Variants in FBLN2 observed in about 807,000 individuals in gnomAD.
FBLN2 encodes the protein fibulin 2.
FBLN2 carries 81 observed loss-of-function variants against 123.7 expected under a neutral mutation model. That is an observed-to-expected ratio of 0.65 (90% CI 0.55 to 0.79). The LOEUF is 0.79. FBLN2 is among the 30% of genes least tolerant of loss of function. The probability of loss-of-function intolerance (pLI) is 0.00; values close to 1 mark genes in which losing one functional copy is unlikely to be tolerated. For synonymous variants in FBLN2, 699 were observed against 701.4 expected, an observed-to-expected ratio of 1.00 and a Z score of 0.05; for missense variants, 1,603 against 1,681.3, an observed-to-expected ratio of 0.95 and a Z score of 0.81.
chr3:13,598,947 G>A (rs1019762820), intron 2 of FBLN2, among the ~76,000 whole-genome samples: 1 of 152,190 alleles, frequency 6.6e-6, no homozygotes, highest in Non-Finnish European at 1.5e-5. Flanking sequence ...TTGGATACTC[G>A]CCAGTTGGCC....
intron 16 of FBLN2, among the ~76,000 whole-genome samples, chr3:13,632,038 G>C (rs568890916): frequency 5.3e-5 from 8 of 152,356 alleles, no homozygotes; most frequent in Non-Finnish European, 8.8e-5. Flanking sequence ...GCAGTCACCT[G>C]TGGAATTTGC....
chr3:13,561,913 T>A (rs939512402), intron 1 of FBLN2, among the ~76,000 whole-genome samples: 3 of 152,256 alleles, frequency 2.0e-5, no homozygotes, highest in Admixed American at 2.0e-4. Context: ...ACAGATCATT[T>A]ACTCTGTCTG....
At chr3:13,611,894 A>G (rs976939699) in intron 4 of FBLN2, among the ~76,000 whole-genome samples, 1 of 152,186 alleles carries the variant, frequency 6.6e-6, no homozygotes, top group African/African-American at 2.4e-5. Flanking sequence ...CCCAGTGAAC[A>G]TGAGAAAAAA....
chr3:13,613,844 C>A, intron 4 of FBLN2, 140 bp from the exon 5 acceptor site: 1 of 843,178 alleles, frequency 1.2e-6, no homozygotes, highest in Non-Finnish European at 1.7e-6. Flanking sequence ...GGCAGAGGAC[C>A]CCTCTGCCCT....
At chr3:13,591,851 T>C (rs1704685469) in intron 2 of FBLN2, among the ~76,000 whole-genome samples, 1 of 152,144 alleles carries the variant, frequency 6.6e-6, no homozygotes, top group African/African-American at 2.4e-5. Flanking sequence ...AACTTGTTTC[T>C]GTGTATGGTG....
intron 1 of FBLN2, among the ~76,000 whole-genome samples, chr3:13,564,852 G>T (rs1350575958): frequency 6.6e-6 from 1 of 152,246 alleles, no homozygotes; most frequent in African/African-American, 2.4e-5. Context: ...AGGAGGCAGT[G>T]TTGCTTTACT....
chr3:13,602,346 A>G (rs1705059924), intron 2 of FBLN2, among the ~76,000 whole-genome samples: 1 of 152,134 alleles, frequency 6.6e-6, no homozygotes, highest in African/African-American at 2.4e-5. Flanking sequence ...GTGTATTCTG[A>G]TACCGTTAGA....
At chr3:13,577,837 C>T (rs1704199515) in intron 2 of FBLN2, among the ~76,000 whole-genome samples, 1 of 152,240 alleles carries the variant, frequency 6.6e-6, no homozygotes, top group African/African-American at 2.4e-5. Flanking sequence ...GGTTCAGGCC[C>T]TCTGCTCAGG....
At chr3:13,605,649 C>T (rs1401300116) in intron 2 of FBLN2, among the ~76,000 whole-genome samples, 1 of 152,208 alleles carries the variant, frequency 6.6e-6, no homozygotes, top group African/African-American at 2.4e-5. Flanking sequence ...ACAAATAACA[C>T]TTGACATGGG....
intron 1 of FBLN2, among the ~76,000 whole-genome samples, chr3:13,558,561 C>T (rs1288609843): frequency 3.3e-5 from 5 of 152,046 alleles, no homozygotes; most frequent in African/African-American, 1.2e-4. Flanking sequence ...GGGATACTCA[C>T]ATTCATAATT....
intron 2 of FBLN2, among the ~76,000 whole-genome samples, chr3:13,573,799 C>T (rs1246515092): frequency 6.8e-6 from 1 of 146,902 alleles, no homozygotes; most frequent in Non-Finnish European, 1.5e-5. Flanking sequence ...GCTACTTGGG[C>T]GGCTGAGGCA....
At chr3:13,619,039 T>C in intron 7 of FBLN2, 22 bp downstream of exon 7, 2 of 1,574,736 alleles carry the variant, frequency 1.3e-6, no homozygotes, top group South Asian at 1.1e-5. Flanking sequence ...GGGTGGTGTC[T>C]CCAGGACAGG....
intron 8 of FBLN2, among the ~76,000 whole-genome samples, chr3:13,621,421 TC>T (rs1705846253): frequency 6.6e-6 from 1 of 152,040 alleles, no homozygotes; most frequent in South Asian, 2.1e-4. Flanking sequence ...GCTGGCCTGG[TC>T]CCCTAAGTAC....
chr3:13,622,796 G>A lies in FBLN2; in HGVS notation c.2296+881G>A, dbSNP rs1330912331. Reference sequence around the variant, plus strand: ...TGTCCTCCAGTTTGTGGTCCCAAACGGAGATAGACCCAAAGTAGCTGGGAC... The same window carrying A: ...TGTCCTCCAGTTTGTGGTCCCAAACAGAGATAGACCCAAAGTAGCTGGGAC... On this transcript the variant is annotated intron_variant, in intron 9 of 17. Transcript: ENST00000404922. Among the ~76,000 whole-genome samples the A allele has an allele frequency of 4.6e-5, 7 of 152,352 alleles. No homozygotes were observed. The South Asian group carries it at 1.0e-3, about 23-fold the overall frequency.
chr3:13,626,862 AT>A (rs900679261), intron 10 of FBLN2, among the ~76,000 whole-genome samples: 3 of 152,154 alleles, frequency 2.0e-5, no homozygotes, highest in African/African-American at 7.2e-5. Context: ...GGTGCCAGTT[AT>A]CCCCCTTGCT....
At chr3:13,575,037 G>A (rs1704090518) in intron 2 of FBLN2, among the ~76,000 whole-genome samples, 1 of 152,238 alleles carries the variant, frequency 6.6e-6, no homozygotes, top group Non-Finnish European at 1.5e-5. Context: ...AGGGTGCTCT[G>A]TGAGTATCTG....
At chr3:13,597,686 G>A (rs1373190658) in intron 2 of FBLN2, among the ~76,000 whole-genome samples, 1 of 152,216 alleles carries the variant, frequency 6.6e-6, no homozygotes, top group Admixed American at 6.5e-5. Flanking sequence ...GAATACTCAG[G>A]GTCGTGGGTG....
Position 13,591,149 on chromosome 3 carries a change from A to G in FBLN2, c.1307-16913A>G, listed in dbSNP as rs1205080814. 3.3e-5 allele frequency among the ~76,000 whole-genome samples: 5 copies of G among 152,334 alleles called. No homozygotes were observed. In the East Asian group the frequency reaches 9.6e-4, roughly 29 times the overall value. On this transcript the variant is annotated intron_variant, in intron 2 of 17. Coordinates refer to ENST00000404922, the MANE Select transcript of FBLN2 (RefSeq NM_001004019.2). ...CTGTGGCCTTTATTTGCCTTCTCTT[A>G]CAAGTTATGATGTTGTCTACATTTT... is the stretch of plus-strand genomic sequence containing the variant.
At chr3:13,567,040 C>G (rs1224676138) in intron 1 of FBLN2, among the ~76,000 whole-genome samples, 2 of 152,230 alleles carry the variant, frequency 1.3e-5, no homozygotes, top group Non-Finnish European at 2.9e-5. Context: ...TATCATTGCC[C>G]TGGGCCTGGA....
Sources: allele counts gnomAD v4.1 joint callset (sites outside exome capture counted in the v4.1 genomes callset), GRCh38; gene constraint gnomAD v4.1.1; transcripts MANE v1.5; gene names NCBI Gene and HGNC (gene_info 2026-07-23, HGNC 2026-07-21).